GPR137: variants seen among roughly 807,000 people sequenced by gnomAD.
GPR137 encodes the protein G protein-coupled receptor 137, also known as integral membrane protein GPR137.
Under a neutral mutation model 38.9 loss-of-function variants are expected in GPR137, and 20 were observed. The observed-to-expected ratio is 0.51, with a 90% CI of 0.36 to 0.75. The LOEUF is 0.75. Among genes scored for constraint, GPR137 ranks in the 30% least tolerant of loss-of-function variants. The pLI is 0.00. For synonymous variants in GPR137, 226 were observed against 235.8 expected (o/e 0.96, Z 0.38); for missense variants, 456 against 526.4 (o/e 0.87, Z 1.31).
Position 64,288,016 on chromosome 11 carries a change from A to T in GPR137, c.634-49A>T, listed in dbSNP as rs1361113080. ...GCAGCGGTTCTCAGGGTGTAGAGGA[A>T]GCTGGGAGCCTTCTCTCCCTGAGGG... On this transcript the variant is annotated intron_variant, in intron 3 of 6. Coordinates refer to ENST00000438980, the MANE Select transcript of GPR137 (RefSeq NM_001170880.2). The surrounding 1 kb of genome is among the most constrained non-coding windows in gnomAD (Gnocchi z 5.5). The T allele has an allele frequency of 6.2e-7, 1 of 1,603,892 alleles. No homozygotes were observed. The highest frequency in any genetic ancestry group is 1.3e-5 in the African/African-American group (1 of 74,788).
chr11:64,288,264 C>T lies in GPR137; in HGVS notation c.783+50C>T. On this transcript the variant is annotated intron_variant, in intron 4 of 6. Transcript: ENST00000438980. This position sits in a 1 kb window ranked among gnomAD's most constrained non-coding sequence, Gnocchi z 5.5. Reference sequence around the variant, plus strand: ...TCCTTAGTAGCCGTGGCACCTTGGCCCCAGCTGGCCTGGGCCCTGTCCCAC... The same window carrying T: ...TCCTTAGTAGCCGTGGCACCTTGGCTCCAGCTGGCCTGGGCCCTGTCCCAC... 6.2e-7 allele frequency: 1 copy of T among 1,609,534 alleles called. No individual in the cohort carries two copies. The highest frequency in any genetic ancestry group is 8.5e-7 in the Non-Finnish European group (1 of 1,177,506).
At position 64,288,840 on chromosome 11, in the gene GPR137, C is replaced by T. The variant is rs1369980649; in HGVS notation, c.1031+119C>T. On this transcript the variant is annotated intron_variant, in intron 6 of 6. Coordinates refer to ENST00000438980, the MANE Select transcript of GPR137 (RefSeq NM_001170880.2). The surrounding 1 kb of genome is among the most constrained non-coding windows in gnomAD (Gnocchi z 5.5). Reference sequence around the variant, plus strand: ...CCTTCCACCCCTGCCATGGCCTTTGCTTCCCCATCTGTACTAGGTGAGGTC... The same window carrying T: ...CCTTCCACCCCTGCCATGGCCTTTGTTTCCCCATCTGTACTAGGTGAGGTC... 1.4e-6 allele frequency: 2 copies of T among 1,438,018 alleles called. No homozygotes were observed. The highest frequency in any genetic ancestry group is 5.5e-5 in the Admixed American group (2 of 36,682). 89.1% of individuals were successfully genotyped at this position (1,438,018 alleles called of 1,614,324 possible).
upstream of GPR137, among the ~76,000 whole-genome samples, chr11:64,279,800 C>T (rs949333942): frequency 6.6e-6 from 1 of 151,494 alleles, no homozygotes; most frequent in Non-Finnish European, 1.5e-5. Flanking sequence ...CTCTATCCCA[C>T]CCTCTAGGGT....
chr11:64,288,443 G>A lies in GPR137; in HGVS notation c.887G>A (p.Arg296Gln), dbSNP rs1384291863. ...LPTTLLVGFF[R>Q]VHRPPQDLST... ...ACCACCCTGCTGGTGGGCTTCTTCC[G>A]GGTGCACCGGCCCCCACAGGACCTG... is the stretch of plus-strand genomic sequence containing the variant. The change falls in exon 5 of 7, where the codon CGG (arginine) becomes CAG (glutamine). Residue 296 changes from arginine (R) to glutamine (Q), a missense_variant. Physicochemically the swap from Arg to Gln is conservative, Grantham distance 43. Transcript: ENST00000438980. This position sits in a 1 kb window ranked among gnomAD's most constrained non-coding sequence, Gnocchi z 5.5. 4.3e-6 allele frequency: 7 copies of A among 1,613,432 alleles called. No individual in the cohort carries two copies. The highest frequency in any genetic ancestry group is 1.1e-5 in the South Asian group (1 of 91,062).
chr11:64,280,965 G>C (rs2135136218), upstream of GPR137, among the ~76,000 whole-genome samples: 1 of 145,512 alleles, frequency 6.9e-6, no homozygotes, highest in South Asian at 2.2e-4. Flanking sequence ...ACCACGCCCG[G>C]CCAATAATAA....
intron 2 of GPR137, chr11:64,276,988 T>C (rs1439393254): frequency 1.2e-5 from 9 of 727,564 alleles, no homozygotes; most frequent in African/African-American, 8.6e-5. Context: ...CGAGCATCCC[T>C]GCACTGGGAT....
chr11:64,276,952 G>A, intron 2 of GPR137: 2 of 755,676 alleles, frequency 2.6e-6, no homozygotes, highest in South Asian at 2.8e-5. Context: ...CAGCGGCTGG[G>A]GCGGACATCC....
intron 2 of GPR137, among the ~76,000 whole-genome samples, chr11:64,278,391 T>A (rs765039217): frequency 1.2e-4 from 18 of 148,164 alleles, no homozygotes; most frequent in Non-Finnish European, 2.4e-4. Context: ...TATATATTTA[T>A]ATATAAATAT....
chr11:64,286,431 C>A lies in GPR137; in HGVS notation c.-94C>A, dbSNP rs1302150094. ...CCTGAGCGCCCCATCTCCCTCTCTG[C>A]ACCCTGCAATTCCCACCCCTCCGTA... On this transcript the variant is annotated 5_prime_UTR_variant, in exon 1 of 7. Transcript: ENST00000438980. The A allele has an allele frequency of 2.6e-6, 4 of 1,520,520 alleles. No homozygotes were observed. The highest frequency in any genetic ancestry group is 3.5e-6 in the Non-Finnish European group (4 of 1,136,860). 94.2% of individuals were successfully genotyped at this position (1,520,520 alleles called of 1,614,324 possible).
Position 64,288,940 on chromosome 11 carries a change from T to A in GPR137, c.1032-97T>A. On this transcript the variant is annotated intron_variant, in intron 6 of 6. Coordinates refer to ENST00000438980, the MANE Select transcript of GPR137 (RefSeq NM_001170880.2). The surrounding 1 kb of genome is among the most constrained non-coding windows in gnomAD (Gnocchi z 5.5). ...TTGTCCTGGGCCCCGAAGGTCTAGG[T>A]CACAGGGGTTCTGTTCTAAGCCTGT... The A allele has an allele frequency of 6.9e-7, 1 of 1,448,002 alleles. No individual in the cohort carries two copies. Among genetic ancestry groups the A allele is most frequent in the Non-Finnish European group, 9.0e-7 (1 of 1,105,066 alleles). The allele number at this position is 1,448,002 out of a possible 1,614,324, so 89.7% of individuals were successfully genotyped here.
upstream of GPR137, among the ~76,000 whole-genome samples, chr11:64,273,565 C>T (rs1040717352): frequency 6.6e-6 from 1 of 151,796 alleles, no homozygotes; most frequent in Non-Finnish European, 1.5e-5. Context: ...AGCAAACACT[C>T]AGAGTGCAAT....
chr11:64,276,848 G>A (rs762080685), intron 2 of GPR137: 2 of 732,444 alleles, frequency 2.7e-6, no homozygotes, highest in South Asian at 1.4e-5. Flanking sequence ...GGAGCTGGGT[G>A]TGGAAGTGGA....
chr11:64,284,935 G>T, upstream of GPR137: 1 of 1,406,720 alleles, frequency 7.1e-7, no homozygotes, highest in Non-Finnish European at 9.2e-7. Context: ...GTCCCCATTT[G>T]GAACCTGGAG....
upstream of GPR137, among the ~76,000 whole-genome samples, chr11:64,274,639 G>A (rs879636363): frequency 1.3e-5 from 2 of 152,180 alleles, no homozygotes; most frequent in African/African-American, 2.4e-5. Context: ...TGACCCACAT[G>A]GTGAAACCCT....
At chr11:64,277,386 T>C (rs1018453744) in intron 2 of GPR137, among the ~76,000 whole-genome samples, 4 of 152,338 alleles carry the variant, frequency 2.6e-5, no homozygotes, top group Non-Finnish European at 5.9e-5. Flanking sequence ...CCCCCAACCT[T>C]GCTCAGAGCT....
At chr11:64,280,987 A>C (rs954272924), upstream of GPR137, among the ~76,000 whole-genome samples, 2 of 147,568 alleles carry the variant, frequency 1.4e-5, no homozygotes, top group African/African-American at 5.0e-5. Context: ...TTTTTTTTTG[A>C]GACGGAATCT....
chr11:64,288,964 G>C lies in GPR137; in HGVS notation c.1032-73G>C. The C allele has an allele frequency of 6.8e-7, 1 of 1,463,672 alleles. No individual in the cohort carries two copies. Among genetic ancestry groups the C allele is most frequent in the South Asian group, 1.4e-5 (1 of 72,082 alleles). 90.7% of individuals were successfully genotyped at this position (1,463,672 alleles called of 1,614,324 possible). On this transcript the variant is annotated intron_variant, in intron 6 of 6. Transcript: ENST00000438980. The surrounding 1 kb of genome is among the most constrained non-coding windows in gnomAD (Gnocchi z 5.5). ...GTCACAGGGGTTCTGTTCTAAGCCT[G>C]TCTTCCTCCTGCAGCTCTTGTGACT...
chr11:64,288,890 T>C lies in GPR137; in HGVS notation c.1032-147T>C. 1.4e-6 allele frequency: 2 copies of C among 1,439,888 alleles called. No homozygotes were observed. The highest frequency in any genetic ancestry group is 1.8e-6 in the Non-Finnish European group (2 of 1,101,844). The allele number at this position is 1,439,888 out of a possible 1,614,324, so 89.2% of individuals were successfully genotyped here. A position where few individuals can be genotyped will look rare whatever the true frequency, so the allele number is the denominator to read the frequency against. On this transcript the variant is annotated intron_variant, in intron 6 of 6. Transcript: ENST00000438980. The surrounding 1 kb of genome is among the most constrained non-coding windows in gnomAD (Gnocchi z 5.5). ...CCCCTGGGTTCCTATTGCTAAAGCC[T>C]CCACCTCTTGCCTAGAGATGTACTT...
chr11:64,287,637 C>T (rs2034249511), intron 2 of GPR137, 84 bp from the exon 3 acceptor site: 11 of 1,582,572 alleles, frequency 7.0e-6, no homozygotes, highest in Non-Finnish European at 7.7e-6. Flanking sequence ...GTTTTGTCGA[C>T]ATTGGGGTTT....
Sources: gnomAD v4.1 joint callset for allele counts (sites outside exome capture counted in the v4.1 genomes callset) on GRCh38, gnomAD v4.1.1 for gene constraint, Gnocchi (gnomAD v3.1) non-coding constraint, MANE v1.5 for transcripts, NCBI Gene and HGNC (gene_info 2026-07-23, HGNC 2026-07-21) for gene names.